Variants in TRAPPC9 observed in about 807,000 individuals in gnomAD.
TRAPPC9 encodes the protein IKK2 binding protein.
In TRAPPC9, 83 loss-of-function variants were observed where a neutral mutation model predicts 124.0. The ratio of observed to expected loss-of-function variants is 0.67; its 90% CI spans 0.56 to 0.80. The LOEUF (loss-of-function observed/expected upper bound fraction) is 0.80. TRAPPC9 is among the 30% of genes least tolerant of loss of function. The probability of loss-of-function intolerance (pLI) is 0.00; values close to 1 mark genes in which losing one functional copy is unlikely to be tolerated. For missense variants in TRAPPC9, 1,302 were observed against 1,508.3 expected (o/e 0.86, Z 2.27); for synonymous variants, 638 against 617.5 (o/e 1.03, Z -0.49).
chr8:140,127,367 AAGAAAC>A lies in TRAPPC9; in HGVS notation c.2556+94086_2556+94091del, dbSNP rs1244520473. 2.0e-5 allele frequency among the ~76,000 whole-genome samples: 3 copies of A among 152,238 alleles called. No individual in the cohort carries two copies. The East Asian group carries it at 5.8e-4, about 29-fold the overall frequency. The stretch of plus-strand genomic sequence containing the variant: ...ACACAACCAACTATGTTAGAGTAGG[AAGAAAC>A]AGAATTAAATTTATTTTTGGTGATT... On this transcript the variant is annotated intron_variant, in intron 17 of 22. Transcript: ENST00000438773.
At chr8:140,388,993 T>C (rs867443945) in intron 7 of TRAPPC9, among the ~76,000 whole-genome samples, 79 of 148,238 alleles carry the variant, frequency 5.3e-4, no homozygotes, top group African/African-American at 1.8e-3. Context: ...GTTTTGCTCT[T>C]GTCACCCAGG....
chr8:140,266,968 A>C (rs1230620907), intron 15 of TRAPPC9, among the ~76,000 whole-genome samples: 1 of 152,222 alleles, frequency 6.6e-6, no homozygotes, highest in East Asian at 1.9e-4. Flanking sequence ...TGAGAGACCC[A>C]CAAAGGTCTG....
chr8:139,735,064 C>T (rs1449424744), intron 21 of TRAPPC9, among the ~76,000 whole-genome samples: 1 of 152,330 alleles, frequency 6.6e-6, no homozygotes. Context: ...GTACTTCCAG[C>T]AGTGCCTGAT....
chr8:139,760,788 T>C (rs1427523410), intron 21 of TRAPPC9, among the ~76,000 whole-genome samples: 1 of 152,060 alleles, frequency 6.6e-6, no homozygotes, highest in Non-Finnish European at 1.5e-5. Context: ...TTAAAACCAT[T>C]AGATCTTGTG....
At chr8:140,198,946 C>T (rs919571398) in intron 17 of TRAPPC9, among the ~76,000 whole-genome samples, 9 of 151,910 alleles carry the variant, frequency 5.9e-5, no homozygotes, top group African/African-American at 9.7e-5. Context: ...CACAGTGAGA[C>T]GGAAAGAGGG....
chr8:140,207,517 C>A (rs2062955206), intron 17 of TRAPPC9, among the ~76,000 whole-genome samples: 1 of 152,226 alleles, frequency 6.6e-6, no homozygotes, highest in Non-Finnish European at 1.5e-5. Flanking sequence ...CACACATCTC[C>A]TTCCACTGTC....
chr8:140,288,643 C>T (rs550196099), intron 12 of TRAPPC9, among the ~76,000 whole-genome samples: 1 of 152,010 alleles, frequency 6.6e-6, no homozygotes, highest in Admixed American at 6.6e-5. Context: ...GGTCAGAAAA[C>T]GCTATGGAAT....
rs182457744 is a variant in TRAPPC9 at position 140,110,904 on chromosome 8, C to A, written c.2557-86825G>T. Among the ~76,000 whole-genome samples the A allele has an allele frequency of 9.2e-4, 16 of 17,386 alleles. 1 individual carries two copies. Among genetic ancestry groups the A allele is most frequent in the African/African-American group, 6.2e-3 (16 of 2,588 alleles). The allele number at this position is 17,386 out of a possible 152,430, so 11.4% of individuals were successfully genotyped here. A position where few individuals can be genotyped will look rare whatever the true frequency, so the allele number is the denominator to read the frequency against. ...CCCCCATACTCCCCCTGCAGCAGCTCCCCCCTGCACCCCCTGCAGCAGCTC... is the reference window on the plus strand; with the variant it reads ...CCCCCATACTCCCCCTGCAGCAGCTACCCCCTGCACCCCCTGCAGCAGCTC... On this transcript the variant is annotated intron_variant, in intron 17 of 22. Coordinates refer to ENST00000438773, the MANE Select transcript of TRAPPC9 (RefSeq NM_001160372.4).
intron 5 of TRAPPC9, among the ~76,000 whole-genome samples, chr8:140,422,067 T>C (rs1206317532): frequency 9.6e-6 from 1 of 104,504 alleles, no homozygotes; most frequent in Non-Finnish European, 2.0e-5. Context: ...AAAAAAGCAA[T>C]AGAGTATGGT....
intron 17 of TRAPPC9, among the ~76,000 whole-genome samples, chr8:140,061,261 G>A (rs1842591355): frequency 6.6e-6 from 1 of 151,976 alleles, no homozygotes; most frequent in Non-Finnish European, 1.5e-5. Context: ...AAGAGGCAAG[G>A]TGTTCACGGG....
At chr8:139,764,743 C>G (rs1820476438) in intron 21 of TRAPPC9, among the ~76,000 whole-genome samples, 1 of 152,158 alleles carries the variant, frequency 6.6e-6, no homozygotes, top group South Asian at 2.1e-4. Context: ...ACAGCTGGAT[C>G]TGGATCAGTG....
intron 17 of TRAPPC9, among the ~76,000 whole-genome samples, chr8:140,026,377 G>A (rs1330168959): frequency 6.6e-6 from 1 of 152,086 alleles, no homozygotes; most frequent in South Asian, 2.1e-4. Context: ...AATCATACGG[G>A]TATTCTCTAT....
chr8:140,102,651 C>G (rs1033568779), intron 17 of TRAPPC9, among the ~76,000 whole-genome samples: 1 of 152,180 alleles, frequency 6.6e-6, no homozygotes. Flanking sequence ...TCTCTATCTT[C>G]TGATTAGAGT....
chr8:139,756,728 CAGG>C (rs1235741281), intron 21 of TRAPPC9, among the ~76,000 whole-genome samples: 1 of 129,760 alleles, frequency 7.7e-6, no homozygotes, highest in Non-Finnish European at 1.6e-5. Flanking sequence ...CAGCAGGTCG[CAGG>C]AGGAGCCAGG....
chr8:139,892,362 GGA>G (rs1232281570), intron 20 of TRAPPC9, among the ~76,000 whole-genome samples: 1 of 152,194 alleles, frequency 6.6e-6, no homozygotes, highest in Non-Finnish European at 1.5e-5. Flanking sequence ...GCCTCTCTCT[GGA>G]GAGGAGGTGA....
intron 7 of TRAPPC9, among the ~76,000 whole-genome samples, chr8:140,393,255 A>G (rs2068984946): frequency 6.6e-6 from 1 of 151,808 alleles, no homozygotes; most frequent in South Asian, 2.1e-4. Context: ...CATTTTATAG[A>G]CTTGGAAACA....
At position 140,135,298 on chromosome 8, in the gene TRAPPC9, AC is replaced by A. The variant is rs2061281089; in HGVS notation, c.2556+86160del. Reference sequence around the variant, plus strand: ...CATAGAATCCTCGTAAGTCATAGAAACTCCACTCCCAGATGTATACCTCAGG... The same window carrying A: ...CATAGAATCCTCGTAAGTCATAGAAATCCACTCCCAGATGTATACCTCAGG... On this transcript the variant is annotated intron_variant, in intron 17 of 22. Transcript: ENST00000438773. 3.3e-5 allele frequency among the ~76,000 whole-genome samples: 5 copies of A among 152,166 alleles called. No homozygotes were observed. The South Asian group carries it at 8.3e-4, about 25-fold the overall frequency.
intron 16 of TRAPPC9, among the ~76,000 whole-genome samples, chr8:140,224,273 A>G (rs1248717636): frequency 6.6e-6 from 1 of 152,228 alleles, no homozygotes; most frequent in African/African-American, 2.4e-5. Flanking sequence ...ACAGCTAGAA[A>G]ACATGGACAA....
chr8:139,886,087 T>C, intron 20 of TRAPPC9, 118 bp from the exon 21 acceptor site: 1 of 945,664 alleles, frequency 1.1e-6, no homozygotes, highest in South Asian at 1.4e-5. Context: ...GTCTCCCCTC[T>C]TCTGAAGGGA....
Sources: gnomAD v4.1 joint callset for allele counts (sites outside exome capture counted in the v4.1 genomes callset) on GRCh38, gnomAD v4.1.1 for gene constraint, MANE v1.5 for transcripts, NCBI Gene and HGNC (gene_info 2026-07-23, HGNC 2026-07-21) for gene names.